Variants in CLEC4A observed in about 807,000 individuals in gnomAD.
The protein encoded by CLEC4A is C-type lectin domain family 4 member A, also known as C-type (calcium dependent, carbohydrate-recognition domain) lectin, superfamily member 6.
In CLEC4A, 27 loss-of-function variants were observed where a neutral mutation model predicts 32.7. The ratio of observed to expected loss-of-function variants is 0.83; its 90% CI spans 0.61 to 1.14. CLEC4A has a LOEUF of 1.14. Ranked by LOEUF, CLEC4A falls within the 50% of genes most tolerant of loss-of-function variation. The pLI, the probability that CLEC4A is intolerant of heterozygous loss-of-function variation, is 0.00. For synonymous variants in CLEC4A, 89 were observed against 93.7 expected (o/e 0.95, Z 0.29); for missense variants, 253 against 274.6 (o/e 0.92, Z 0.55).
chr12:8,105,580 G>A, the CLEC4A span, among the ~76,000 whole-genome samples: 2 of 151,938 alleles, frequency 1.3e-5, no homozygotes, highest in Admixed American at 6.6e-5. Flanking sequence ...TCAAACTCCC[G>A]ACCTCATGAT....
At chr12:8,110,880 T>C in the CLEC4A span, among the ~76,000 whole-genome samples, 2 of 151,782 alleles carry the variant, frequency 1.3e-5, no homozygotes, top group African/African-American at 2.4e-5. Context: ...CTAGACACTT[T>C]TTTTTTTTTT....
At chr12:8,120,612 C>G (rs1345732347), upstream of CLEC4A, among the ~76,000 whole-genome samples, 1 of 152,184 alleles carries the variant, frequency 6.6e-6, no homozygotes, top group African/African-American at 2.4e-5. Context: ...ACATGACATG[C>G]AATCAATACT....
At chr12:8,107,131 A>T in the CLEC4A span, among the ~76,000 whole-genome samples, 15 of 152,038 alleles carry the variant, frequency 9.9e-5, no homozygotes, top group Non-Finnish European at 1.8e-4. Context: ...TATTTAGATG[A>T]TTGTGTGGCT....
chr12:8,134,979 G>GTTGTTTTTTTT (rs1948073493), intron 3 of CLEC4A: 2 of 166,036 alleles, frequency 1.2e-5, no homozygotes, highest in African/African-American at 7.2e-5. Context: ...AAGCGTTTTT[G>GTTGTTTTTTTT]TTTTTTGTTT....
chr12:8,120,462 A>C (rs1485385083), upstream of CLEC4A, among the ~76,000 whole-genome samples: 5 of 152,200 alleles, frequency 3.3e-5, no homozygotes, highest in Non-Finnish European at 7.3e-5. Context: ...TGGGAACAAA[A>C]TCCAGGCAAA....
chr12:8,103,022 T>C, the CLEC4A span, among the ~76,000 whole-genome samples: 1 of 152,202 alleles, frequency 6.6e-6, no homozygotes, highest in South Asian at 2.1e-4. Flanking sequence ...GGAAAAAAAA[T>C]GTGGACAATC....
upstream of CLEC4A, among the ~76,000 whole-genome samples, chr12:8,119,112 A>G (rs1302240358): frequency 1.3e-5 from 2 of 152,284 alleles, no homozygotes; most frequent in African/African-American, 4.8e-5. Flanking sequence ...GATATGAGCT[A>G]TAACATGGAT....
rs956764666 is a variant in CLEC4A, at chr12:8,138,554, T to G, written c.*267T>G. On this transcript the variant is annotated 3_prime_UTR_variant, in exon 6 of 6. Transcript: ENST00000229332. ...AGAGAACATGAGTCTCTCTTAATTTTTATCTGGTTGCTAAAGAATTATTTA... is the reference window on the plus strand; with the variant it reads ...AGAGAACATGAGTCTCTCTTAATTTGTATCTGGTTGCTAAAGAATTATTTA... 6 of 277,140 alleles carry G rather than the reference T, an allele frequency of 2.2e-5. No homozygotes were observed. Among genetic ancestry groups the G allele is most frequent in the Non-Finnish European group, 3.4e-5 (5 of 149,022 alleles). The allele number at this position is 277,140 out of a possible 1,614,324, so 17.2% of individuals were successfully genotyped here.
intron 1 of CLEC4A, among the ~76,000 whole-genome samples, 172 bp downstream of exon 1, chr12:8,124,132 A>G (rs370783080): frequency 1.6e-4 from 25 of 152,276 alleles, no homozygotes; most frequent in African/African-American, 5.8e-4. Context: ...CGGGGTGTAC[A>G]TTTGTATTGT....
intron 3 of CLEC4A, among the ~76,000 whole-genome samples, chr12:8,135,226 A>G (rs112971855): frequency 4.7e-5 from 7 of 150,478 alleles, no homozygotes; most frequent in African/African-American, 1.7e-4. Context: ...ATTGATTATT[A>G]TATTTTATTA....
intron 3 of CLEC4A, among the ~76,000 whole-genome samples, chr12:8,135,103 C>G (rs1222905243): frequency 9.9e-6 from 1 of 101,016 alleles, no homozygotes; most frequent in African/African-American, 3.8e-5. Context: ...CCAGGCTGGT[C>G]TTGAACTTCT....
the CLEC4A span, among the ~76,000 whole-genome samples, chr12:8,104,471 C>T: frequency 2.0e-5 from 3 of 152,192 alleles, no homozygotes; most frequent in Non-Finnish European, 4.4e-5. Flanking sequence ...CTGGCTTCTC[C>T]ATGAATCCTA....
At chr12:8,132,524 A>C (rs1948015658) in intron 3 of CLEC4A, among the ~76,000 whole-genome samples, 1 of 152,124 alleles carries the variant, frequency 6.6e-6, no homozygotes, top group Non-Finnish European at 1.5e-5. Flanking sequence ...GATTTCAGCA[A>C]TTTTAAATTA....
At chr12:8,107,803 G>A in the CLEC4A span, among the ~76,000 whole-genome samples, 1 of 149,360 alleles carries the variant, frequency 6.7e-6, no homozygotes, top group Non-Finnish European at 1.5e-5. Context: ...AGTCTAGCTA[G>A]TGGTCTATTA....
intron 5 of CLEC4A, 30 bp downstream of exon 5, chr12:8,136,933 G>A: frequency 6.8e-7 from 1 of 1,476,586 alleles, no homozygotes; most frequent in East Asian, 2.3e-5. Flanking sequence ...AAAGAATCTT[G>A]GGTCCTGGAT....
chr12:8,108,753 G>A, the CLEC4A span, among the ~76,000 whole-genome samples: 1 of 152,202 alleles, frequency 6.6e-6, no homozygotes. Context: ...CTGCATCTGA[G>A]CCAGTAGTGA....
chr12:8,131,029 G>A (rs1243806672), intron 3 of CLEC4A, among the ~76,000 whole-genome samples: 1 of 152,036 alleles, frequency 6.6e-6, no homozygotes, highest in African/African-American at 2.4e-5. Context: ...GAGCAATACT[G>A]GTCAGGTATA....
chr12:8,119,107 G>A (rs911423666), upstream of CLEC4A, among the ~76,000 whole-genome samples: 2 of 152,214 alleles, frequency 1.3e-5, no homozygotes, highest in African/African-American at 4.8e-5. Context: ...AAACTGATAT[G>A]AGCTATAACA....
chr12:8,127,707 G>A (rs752820655), intron 2 of CLEC4A, among the ~76,000 whole-genome samples: 1 of 151,906 alleles, frequency 6.6e-6, no homozygotes, highest in East Asian at 1.9e-4. Flanking sequence ...TAGTGTTAGC[G>A]AAAAAAGAGA....
Sources: gnomAD v4.1 joint callset for allele counts (sites outside exome capture counted in the v4.1 genomes callset) on GRCh38, gnomAD v4.1.1 for gene constraint, MANE v1.5 for transcripts, NCBI Gene and HGNC (gene_info 2026-07-23, HGNC 2026-07-21) for gene names.